Variants in CEP63 observed in about 807,000 individuals in gnomAD.
CEP63 encodes the protein centrosomal protein 63.
CEP63 carries 84 observed loss-of-function variants against 89.1 expected under a neutral mutation model. That is an observed-to-expected ratio of 0.94 (90% CI 0.79 to 1.13). The LOEUF (loss-of-function observed/expected upper bound fraction) is 1.13, where lower values mean the gene tolerates loss of function less well. Among genes scored for constraint, CEP63 ranks in the 50% most tolerant of loss-of-function variants. CEP63 has a pLI of 0.00. For synonymous variants in CEP63, 267 were observed against 272.5 expected (o/e 0.98, Z 0.20); for missense variants, 838 against 813.3 (o/e 1.03, Z -0.37).
At chr3:134,775,199 G>C in the CEP63 span, among the ~76,000 whole-genome samples, 1 of 152,168 alleles carries the variant, frequency 6.6e-6, no homozygotes, top group African/African-American at 2.4e-5. Flanking sequence ...CAGAGCCTGA[G>C]ACAAGGGTCT....
At chr3:134,631,153 G>A in the CEP63 span, among the ~76,000 whole-genome samples, 50,133 of 152,006 alleles carry the variant, frequency 0.33, 8,600 homozygotes, top group African/African-American at 0.37. Context: ...GAAATAATAT[G>A]ATGCAGAAAA....
chr3:134,622,416 C>T, the CEP63 span, among the ~76,000 whole-genome samples: 1 of 152,168 alleles, frequency 6.6e-6, no homozygotes, highest in African/African-American at 2.4e-5. Flanking sequence ...TATGCTACGA[C>T]ATGGATGAAC....
intron 10 of CEP63, among the ~76,000 whole-genome samples, chr3:134,583,539 A>G (rs1958412304): frequency 6.6e-6 from 1 of 152,006 alleles, no homozygotes; most frequent in African/African-American, 2.4e-5. Flanking sequence ...ATTGGTCTAT[A>G]TATCTGTTTT....
chr3:134,571,783 T>G (rs1352177608), intron 11 of CEP63, among the ~76,000 whole-genome samples: 2 of 152,198 alleles, frequency 1.3e-5, no homozygotes, highest in Non-Finnish European at 2.9e-5. Context: ...AAAACAAATT[T>G]GTGATGTAGT....
intron 10 of CEP63, among the ~76,000 whole-genome samples, chr3:134,583,093 G>A (rs1444344008): frequency 6.6e-6 from 1 of 152,154 alleles, no homozygotes; most frequent in African/African-American, 2.4e-5. Flanking sequence ...TTTGTCAGAT[G>A]AGTAGGTTGC....
At chr3:134,486,259 C>G (rs1202586740) in intron 1 of CEP63, 57 bp downstream of exon 1, 1 of 985,470 alleles carries the variant, frequency 1.0e-6, no homozygotes, top group African/African-American at 1.7e-5. Context: ...CGCCGGTGCG[C>G]AAGTTGGAGG....
chr3:134,711,482 G>A, the CEP63 span, among the ~76,000 whole-genome samples: 6 of 152,058 alleles, frequency 3.9e-5, no homozygotes, highest in Non-Finnish European at 1.5e-5. Flanking sequence ...AGGTCCCTGT[G>A]CCCTCTATTT....
the CEP63 span, among the ~76,000 whole-genome samples, chr3:134,733,705 A>T: frequency 6.6e-6 from 1 of 151,450 alleles, no homozygotes; most frequent in African/African-American, 2.5e-5. Context: ...TTGCCAGCAA[A>T]GCACCAGAAG....
the CEP63 span, among the ~76,000 whole-genome samples, chr3:134,692,532 A>G: frequency 6.6e-6 from 1 of 152,216 alleles, no homozygotes; most frequent in East Asian, 1.9e-4. Context: ...TCTTTGCAAT[A>G]TCATGCCATA....
chr3:134,604,133 C>T, the CEP63 span: 27 of 1,607,818 alleles, frequency 1.7e-5, no homozygotes, highest in South Asian at 8.9e-5. Context: ...GAGCAGCGCC[C>T]GTCGCTGGTG....
chr3:134,733,560 T>G, the CEP63 span, among the ~76,000 whole-genome samples: 1 of 152,128 alleles, frequency 6.6e-6, no homozygotes, highest in Non-Finnish European at 1.5e-5. Context: ...GGTGGGCCCT[T>G]AACCCAATAT....
the CEP63 span, among the ~76,000 whole-genome samples, chr3:134,766,164 T>C: frequency 1.3e-5 from 2 of 152,162 alleles, no homozygotes; most frequent in African/African-American, 4.8e-5. Flanking sequence ...GTGAATGTAT[T>C]TGGGTGCAGG....
At chr3:134,578,505 A>G (rs564730955), downstream of CEP63, among the ~76,000 whole-genome samples, 16 of 151,658 alleles carry the variant, frequency 1.1e-4, no homozygotes, top group South Asian at 3.3e-3. Context: ...TAATTTTTGT[A>G]TTTTTGTAGA....
At chr3:134,605,739 C>T in the CEP63 span, among the ~76,000 whole-genome samples, 4 of 152,052 alleles carry the variant, frequency 2.6e-5, no homozygotes, top group African/African-American at 7.2e-5. Context: ...TCTGCCCCCA[C>T]CCTCCAGTGA....
the CEP63 span, among the ~76,000 whole-genome samples, chr3:134,736,343 C>T: frequency 0.27 from 41,686 of 151,900 alleles, 6,437 homozygotes; most frequent in African/African-American, 0.42. Context: ...TTACAAGAGG[C>T]TGTGGCTCAC....
chr3:134,602,952 G>T, the CEP63 span, among the ~76,000 whole-genome samples: 1 of 152,226 alleles, frequency 6.6e-6, no homozygotes, highest in Non-Finnish European at 1.5e-5. Flanking sequence ...CTTCCAGCCA[G>T]TTGTGGGTCA....
chr3:134,760,431 A>G, the CEP63 span, among the ~76,000 whole-genome samples: 1 of 152,182 alleles, frequency 6.6e-6, no homozygotes, highest in Non-Finnish European at 1.5e-5. Flanking sequence ...CATTCTTCAG[A>G]TAAAGAAGAT....
intron 3 of CEP63, chr3:134,510,676 G>A (rs939045520): frequency 5.8e-5 from 35 of 605,450 alleles, no homozygotes; most frequent in Admixed American, 1.5e-4. Flanking sequence ...TGGAGCCCAG[G>A]CTTGTCTAGC....
the CEP63 span, among the ~76,000 whole-genome samples, chr3:134,719,677 G>C: frequency 6.6e-6 from 1 of 151,994 alleles, no homozygotes; most frequent in South Asian, 2.1e-4. Flanking sequence ...TCTACCTTCT[G>C]TCTCTATGTA....
Sources: gnomAD v4.1 joint callset for allele counts (sites outside exome capture counted in the v4.1 genomes callset) on GRCh38, gnomAD v4.1.1 for gene constraint, MANE v1.5 for transcripts, NCBI Gene and HGNC (gene_info 2026-07-23, HGNC 2026-07-21) for gene names.